Variants in TVP23C observed in about 807,000 individuals in gnomAD.
TVP23C encodes the protein Golgi apparatus membrane protein TVP23 homolog C.
A neutral mutation model predicts 28.7 loss-of-function variants in TVP23C; 19 were observed. That is an observed-to-expected ratio of 0.66 (90% CI 0.46 to 0.97). The LOEUF is 0.97. TVP23C is among the 50% of genes least tolerant of loss of function. TVP23C has a pLI of 0.00. For synonymous variants in TVP23C, 68 were observed against 81.7 expected (o/e 0.83, Z 0.90); for missense variants, 186 against 241.3 (o/e 0.77, Z 1.52).
chr17:15,502,844 T>C (rs1010075416), exon 6 of TVP23C: 1 of 1,552,682 alleles, frequency 6.4e-7, no homozygotes, highest in African/African-American at 1.4e-5. Context: ...TGCGAGGAGC[T>C]TCAGATTTGT....
intron 1 of TVP23C, among the ~76,000 whole-genome samples, chr17:15,556,636 G>A (rs1339016250): frequency 6.6e-6 from 1 of 152,170 alleles, no homozygotes; most frequent in Non-Finnish European, 1.5e-5. Context: ...TTACAGGCGT[G>A]AGCCACCATG....
Position 15,555,186 on chromosome 17 carries a change from T to C in TVP23C, c.95+96A>G, listed in dbSNP as rs144141457. 2.2e-3 allele frequency: 3,346 copies of C among 1,541,184 alleles called. 64 individuals carry two copies. The African/African-American group carries it at 0.04, about 18-fold the overall frequency. On this transcript the variant is annotated intron_variant, in intron 2 of 5. Coordinates refer to ENST00000518321, the MANE Select transcript of TVP23C (RefSeq NM_001135036.2). ...GCAACATGCAGTATTCACAAGCACA[T>C]TGAAACAACTCTGCCTTGACTCCCA... is the stretch of plus-strand genomic sequence containing the variant.
At chr17:15,563,112 G>C (rs1196386673) in intron 1 of TVP23C, 4 of 425,690 alleles carry the variant, frequency 9.4e-6, no homozygotes, top group African/African-American at 2.0e-5. Context: ...AGGAAGCTAA[G>C]AGGCCCGCAG....
In TVP23C at chr17:15,555,282, C is replaced by T. The variant is rs1984077622; in HGVS notation, c.95G>A (p.Arg32Lys). 1 of 1,613,970 alleles carries T rather than the reference C, an allele frequency of 6.2e-7. No individual in the cohort carries two copies. Among genetic ancestry groups the T allele is most frequent in the East Asian group, 2.2e-5 (1 of 44,882 alleles). Residue 32 changes from arginine to lysine, a missense_variant and splice_region_variant, in exon 2 of 6, where the codon AGA (arginine) becomes AAA (lysine). By Grantham distance (26) the Arg-to-Lys change is conservative. Coordinates refer to ENST00000518321, the MANE Select transcript of TVP23C (RefSeq NM_001135036.2). ...TTNRPRKAKIRHPVASFFHLF... is the reference protein window; with the variant it reads ...TTNRPRKAKIKHPVASFFHLF... The stretch of plus-strand genomic sequence containing the variant: ...CAGCTCATGCAACTTCTCCTCCTAC[C>T]TGATTTTGGCTTTTCTTGGTCTATT...
intron 5 of TVP23C, chr17:15,516,351 T>C (rs1982227201): frequency 6.6e-6 from 1 of 152,262 alleles, no homozygotes; most frequent in Non-Finnish European, 1.5e-5. Context: ...AGTACATTAG[T>C]CAGCTCAGGC....
chr17:15,518,988 G>A (rs1294301269), intron 5 of TVP23C, among the ~76,000 whole-genome samples: 1 of 152,124 alleles, frequency 6.6e-6, no homozygotes, highest in Non-Finnish European at 1.5e-5. Flanking sequence ...GTTGAAAGGT[G>A]TGTCGCAGTT....
intron 5 of TVP23C, chr17:15,506,877 C>T: frequency 1.3e-6 from 1 of 785,792 alleles, no homozygotes; most frequent in Non-Finnish European, 2.1e-6. Flanking sequence ...TGGTCAACCC[C>T]ACCATGTTCT....
chr17:15,556,634 G>A (rs970576656), intron 1 of TVP23C, among the ~76,000 whole-genome samples: 16 of 152,070 alleles, frequency 1.1e-4, no homozygotes, highest in African/African-American at 2.9e-4. Flanking sequence ...GATTACAGGC[G>A]TGAGCCACCA....
At chr17:15,550,416 T>C (rs1983836254) in intron 3 of TVP23C, among the ~76,000 whole-genome samples, 1 of 152,230 alleles carries the variant, frequency 6.6e-6, no homozygotes, top group Non-Finnish European at 1.5e-5. Flanking sequence ...CACAGTGATA[T>C]TTAGTCAATT....
intron 3 of TVP23C, among the ~76,000 whole-genome samples, 171 bp downstream of exon 3, chr17:15,553,514 G>GA (rs1415211262): frequency 1.1e-5 from 1 of 94,172 alleles, no homozygotes; most frequent in Non-Finnish European, 2.2e-5. Context: ...TTGTCAAAGG[G>GA]AAAAAATGAA....
At chr17:15,554,597 T>C (rs910327928) in intron 2 of TVP23C, among the ~76,000 whole-genome samples, 7 of 152,198 alleles carry the variant, frequency 4.6e-5, no homozygotes, top group African/African-American at 1.4e-4. Flanking sequence ...AATTTACTTA[T>C]TTAAGGTAAA....
chr17:15,550,410 G>T (rs957769872), intron 3 of TVP23C, among the ~76,000 whole-genome samples: 1 of 152,170 alleles, frequency 6.6e-6, no homozygotes, highest in Non-Finnish European at 1.5e-5. Context: ...TTTCTTCACA[G>T]TGATATTTAG....
chr17:15,560,151 C>G (rs1171487361), intron 1 of TVP23C, among the ~76,000 whole-genome samples: 1 of 149,544 alleles, frequency 6.7e-6, no homozygotes, highest in Non-Finnish European at 1.5e-5. Flanking sequence ...CCTCCGCCTC[C>G]CGGGTTCAAG....
At chr17:15,524,057 G>T (rs541529817) in intron 5 of TVP23C, among the ~76,000 whole-genome samples, 3 of 141,898 alleles carry the variant, frequency 2.1e-5, no homozygotes, top group Non-Finnish European at 4.5e-5. Flanking sequence ...GGTTGTAGCA[G>T]AGTGGGGTGT....
chr17:15,514,877 G>A (rs1597507214), intron 5 of TVP23C, among the ~76,000 whole-genome samples: 1 of 152,298 alleles, frequency 6.6e-6, no homozygotes, highest in East Asian at 1.9e-4. Flanking sequence ...CCCTTCTCTG[G>A]AGGATGAGAC....
At position 15,510,431 on chromosome 17, in the gene TVP23C, G is replaced by A. The variant is rs1337809413; in HGVS notation, c.463-7199C>T. ...CAGAGAGATGCAAGTCAAAACCTAT[G>A]AGATACCATCTCACACCAGTCAGAA... On this transcript the variant is annotated intron_variant, in intron 5 of 5. Transcript: ENST00000225576. 7.9e-5 allele frequency among the ~76,000 whole-genome samples: 12 copies of A among 152,070 alleles called. No homozygotes were observed. In the East Asian group the frequency reaches 2.3e-3, roughly 29 times the overall value.
intron 3 of TVP23C, among the ~76,000 whole-genome samples, chr17:15,551,086 G>C (rs1420079943): frequency 4.0e-5 from 6 of 151,748 alleles, no homozygotes; most frequent in Middle Eastern, 3.4e-3. Context: ...GAAGATACAC[G>C]ACTGGTTTTA....
At chr17:15,502,676 C>T (rs1465605964) in exon 6 of TVP23C, 22 of 1,037,316 alleles carry the variant, frequency 2.1e-5, no homozygotes, top group Admixed American at 3.6e-5. Flanking sequence ...CCCTTTTCCC[C>T]TTAGTTTTAC....
exon 6 of TVP23C, chr17:15,502,980 C>T: frequency 1.2e-6 from 2 of 1,613,922 alleles, no homozygotes; most frequent in Non-Finnish European, 1.7e-6. Flanking sequence ...AATAGGCGGG[C>T]GGGCGCCATC....
Sources: allele counts gnomAD v4.1 joint callset (sites outside exome capture counted in the v4.1 genomes callset), GRCh38; gene constraint gnomAD v4.1.1; transcripts MANE v1.5; gene names NCBI Gene and HGNC (gene_info 2026-07-23, HGNC 2026-07-21).